Variants in TRPV4 observed in about 807,000 individuals in gnomAD.
TRPV4 encodes the protein OSM9-like transient receptor potential channel 4.
Under a neutral mutation model 84.1 loss-of-function variants are expected in TRPV4, and 58 were observed. That is an observed-to-expected ratio of 0.69 (90% CI 0.56 to 0.86). The LOEUF (loss-of-function observed/expected upper bound fraction) is 0.86. TRPV4 is among the 40% of genes least tolerant of loss of function. The pLI is 0.00. For missense variants in TRPV4, 879 were observed against 1,181.1 expected (o/e 0.74, Z 3.75); for synonymous variants, 489 against 500.9 (o/e 0.98, Z 0.32).
Position 109,814,288 on chromosome 12 carries a change from G to T in TRPV4, c.386+123C>A. The T allele has an allele frequency of 1.8e-6, 2 of 1,128,326 alleles. No homozygotes were observed. The highest frequency in any genetic ancestry group is 2.6e-6 in the Non-Finnish European group (2 of 772,272). 69.9% of individuals were successfully genotyped at this position (1,128,326 alleles called of 1,614,324 possible). A position where few individuals can be genotyped will look rare whatever the true frequency, so the allele number is the denominator to read the frequency against. ...GGATGGATAGATGTATGGATGGTTG[G>T]ATGGACAGATGGATGGATGGATGAA... On this transcript the variant is annotated intron_variant, in intron 2 of 15. Coordinates refer to ENST00000261740, the MANE Select transcript of TRPV4 (RefSeq NM_021625.5). The surrounding 1 kb of genome is among the most constrained non-coding windows in gnomAD (Gnocchi z 5.4).
rs769107613 is a variant in TRPV4, at chr12:109,803,008, C to T, written c.695G>A (p.Arg232His). 8 of 1,614,014 alleles carry T rather than the reference C, an allele frequency of 5.0e-6. No individual in the cohort carries two copies. The highest frequency in any genetic ancestry group is 3.3e-5 in the Admixed American group (2 of 60,024). ...GGCCCCACCTCGATAGTAGATGTCA[C>T]GGAAGGGCGAGTTAATGAACTCCCT... ...NMREFINSPF[R>H]DIYYRGQTAL... The change falls in exon 4 of 16, where the codon CGT becomes CAT. Residue 232 changes from arginine to histidine, a missense_variant. Around this residue, in one of 4 missense-constraint regions of TRPV4, gnomAD observed 521 missense variants for 686.6 expected, o/e 0.76. Coordinates refer to ENST00000261740, the MANE Select transcript of TRPV4 (RefSeq NM_021625.5).
rs139179261 is a variant in TRPV4, at chr12:109,796,579, C to T, written c.1278G>A (p.Thr426=). The T allele has an allele frequency of 1.9e-4, 301 of 1,614,200 alleles. No homozygotes were observed. Among genetic ancestry groups the T allele is most frequent in the Non-Finnish European group, 2.3e-4 (273 of 1,180,028 alleles). ...CCAGCACGGAGGCCTCTTCCCCACA[C>T]GTGTCCAGGGAGGAGAGGTCATAAA... ...SSLYDLSSLD[T]CGEEASVLEI... The change falls in exon 7 of 16, where the codon ACG becomes ACA. Residue 426 remains threonine (T), a synonymous_variant. Transcript: ENST00000261740. The surrounding 1 kb of genome is among the most constrained non-coding windows in gnomAD (Gnocchi z 4.2).
rs1890178979 is a variant in TRPV4, at chr12:109,793,616, G to C, written c.1585-16C>G. ...AGTCTTTGATCTGGAAGACAGGAGGGGGCACGTGAAAGGGGTGGGGCCAGC... is the reference window on the plus strand; with the variant it reads ...AGTCTTTGATCTGGAAGACAGGAGGCGGCACGTGAAAGGGGTGGGGCCAGC... On this transcript the variant is annotated splice_polypyrimidine_tract_variant and intron_variant, in intron 9 of 15. Coordinates refer to ENST00000261740, the MANE Select transcript of TRPV4 (RefSeq NM_021625.5). This position sits in a 1 kb window ranked among gnomAD's most constrained non-coding sequence, Gnocchi z 4.0. 1 of 1,612,224 alleles carries C rather than the reference G, an allele frequency of 6.2e-7. No homozygotes were observed. Among genetic ancestry groups the C allele is most frequent in the Non-Finnish European group, 8.5e-7 (1 of 1,178,444 alleles).
chr12:109,827,791 TA>T (rs1892305215), intron 1 of TRPV4, among the ~76,000 whole-genome samples: 2 of 149,892 alleles, frequency 1.3e-5, no homozygotes, highest in Non-Finnish European at 3.0e-5. Context: ...AACATACACA[TA>T]AACATATAGT....
Position 109,786,614 on chromosome 12 carries a change from A to G in TRPV4, c.2336+96T>C, listed in dbSNP as rs1889697639. 3 of 1,533,448 alleles carry G rather than the reference A, an allele frequency of 2.0e-6. No individual in the cohort carries two copies. The highest frequency in any genetic ancestry group is 2.7e-6 in the Non-Finnish European group (3 of 1,127,280). The allele number at this position is 1,533,448 out of a possible 1,614,324, so 95.0% of individuals were successfully genotyped here. A position where few individuals can be genotyped will look rare whatever the true frequency, so the allele number is the denominator to read the frequency against. ...CCTCTTGGGGCCTCAGTGGCTCCAG[A>G]AATTGCAATGGGTAGACGACGCTGG... On this transcript the variant is annotated intron_variant, in intron 14 of 15. Coordinates refer to ENST00000261740, the MANE Select transcript of TRPV4 (RefSeq NM_021625.5). The surrounding 1 kb of genome is among the most constrained non-coding windows in gnomAD (Gnocchi z 4.5).
chr12:109,807,345 T>C (rs1373759835), intron 3 of TRPV4, among the ~76,000 whole-genome samples: 1 of 150,192 alleles, frequency 6.7e-6, no homozygotes, highest in African/African-American at 2.4e-5. Context: ...AGACCAACCA[T>C]GGTCCGCCTT....
intron 1 of TRPV4, among the ~76,000 whole-genome samples, chr12:109,828,358 A>G (rs527943226): frequency 2.8e-4 from 43 of 152,210 alleles, no homozygotes; most frequent in African/African-American, 1.0e-3. Flanking sequence ...GAAAGGGGAA[A>G]CCAATGCTCA....
intron 1 of TRPV4, among the ~76,000 whole-genome samples, chr12:109,827,513 G>A (rs1892286970): frequency 6.6e-6 from 1 of 151,786 alleles, no homozygotes; most frequent in Non-Finnish European, 1.5e-5. Context: ...CTCACCTGCT[G>A]GGGTCTCAGC....
chr12:109,805,490 G>A (rs766834734), intron 3 of TRPV4, among the ~76,000 whole-genome samples: 2 of 152,194 alleles, frequency 1.3e-5, no homozygotes, highest in Non-Finnish European at 2.9e-5. Context: ...TGCCCAGGGT[G>A]GGGTGCTGTA....
chr12:109,793,639 A>G lies in TRPV4; in HGVS notation c.1585-39T>C, dbSNP rs373926569. On this transcript the variant is annotated intron_variant, in intron 9 of 15. Transcript: ENST00000261740. This position sits in a 1 kb window ranked among gnomAD's most constrained non-coding sequence, Gnocchi z 4.0. The stretch of plus-strand genomic sequence containing the variant: ...GGGGGCACGTGAAAGGGGTGGGGCC[A>G]GCAGGAGAGGAGAGGAGGAGAGAGG... 1.3e-6 allele frequency: 2 copies of G among 1,541,074 alleles called. No homozygotes were observed. The highest frequency in any genetic ancestry group is 2.7e-5 in the African/African-American group (2 of 73,432).
In TRPV4 at chr12:109,786,847, G is replaced by T; in HGVS notation, c.2209-10C>A. 1 of 1,613,646 alleles carries T rather than the reference G, an allele frequency of 6.2e-7. No individual in the cohort carries two copies. Among genetic ancestry groups the T allele is most frequent in the Non-Finnish European group, 8.5e-7 (1 of 1,179,904 alleles). On this transcript the variant is annotated splice_polypyrimidine_tract_variant and intron_variant, in intron 13 of 15. Coordinates refer to ENST00000261740, the MANE Select transcript of TRPV4 (RefSeq NM_021625.5). The surrounding 1 kb of genome is among the most constrained non-coding windows in gnomAD (Gnocchi z 4.5). ...GGATGGTGGTGGCCCACTGCGGGGA[G>T]GGAGGGTCAGGAGGGACATCGGTGA...
intron 1 of TRPV4, among the ~76,000 whole-genome samples, chr12:109,823,744 CTG>C (rs1179593654): frequency 6.6e-6 from 1 of 152,040 alleles, no homozygotes; most frequent in Non-Finnish European, 1.5e-5. Context: ...CTGTACAACT[CTG>C]AATACACTAA....
intron 1 of TRPV4, among the ~76,000 whole-genome samples, chr12:109,816,755 G>A (rs1191497509): frequency 6.6e-6 from 1 of 152,148 alleles, no homozygotes; most frequent in African/African-American, 2.4e-5. Context: ...TCCAGCCAGG[G>A]CAACAGAGCA....
At chr12:109,823,197 A>AT (rs1318330606) in intron 1 of TRPV4, among the ~76,000 whole-genome samples, 3 of 152,158 alleles carry the variant, frequency 2.0e-5, no homozygotes, top group Non-Finnish European at 2.9e-5. Context: ...GCCAGCCTGT[A>AT]TTTACCTAGC....
chr12:109,821,294 C>T (rs1892090935), intron 1 of TRPV4, among the ~76,000 whole-genome samples: 1 of 152,240 alleles, frequency 6.6e-6, no homozygotes. Context: ...AGTGTGGAAC[C>T]TCAGAGAACT....
chr12:109,806,355 T>C (rs1422118653), intron 3 of TRPV4, among the ~76,000 whole-genome samples: 4 of 127,678 alleles, frequency 3.1e-5, no homozygotes, highest in African/African-American at 1.4e-4. Context: ...CCACTAAGCC[T>C]GGCTTTTTTT....
chr12:109,828,466 G>A (rs1319439197), intron 1 of TRPV4, among the ~76,000 whole-genome samples: 1 of 152,152 alleles, frequency 6.6e-6, no homozygotes, highest in East Asian at 1.9e-4. Context: ...CCAGCTCATG[G>A]GCTGCAAGGG....
At chr12:109,804,961 T>C (rs1490082512) in intron 3 of TRPV4, among the ~76,000 whole-genome samples, 4 of 152,170 alleles carry the variant, frequency 2.6e-5, no homozygotes, top group African/African-American at 9.7e-5. Flanking sequence ...TCCCTCCTCT[T>C]TTCACCTGGT....
intron 1 of TRPV4, among the ~76,000 whole-genome samples, chr12:109,817,499 G>A (rs893995850): frequency 1.3e-5 from 2 of 152,134 alleles, no homozygotes; most frequent in African/African-American, 2.4e-5. Context: ...CCCTAAGCCT[G>A]GACAGCACCC....
Sources: allele counts gnomAD v4.1 joint callset (sites outside exome capture counted in the v4.1 genomes callset), GRCh38; gene constraint gnomAD v4.1.1; regional missense constraint gnomAD v4.1.1; non-coding constraint Gnocchi (gnomAD v3.1); transcripts MANE v1.5; gene names NCBI Gene and HGNC (gene_info 2026-07-23, HGNC 2026-07-21).